The following TMCC2 variants were observed in gnomAD, a reference collection of about 807,000 sequenced individuals.
TMCC2 encodes transmembrane and coiled-coil domains protein 2.
TMCC2 carries 16 observed loss-of-function variants against 49.4 expected under a neutral mutation model. That is an observed-to-expected ratio of 0.32 (90% CI 0.22 to 0.49). The LOEUF (loss-of-function observed/expected upper bound fraction) is 0.49, where lower values mean the gene tolerates loss of function less well. TMCC2 is among the 20% of genes least tolerant of loss of function. The probability of loss-of-function intolerance (pLI) is 0.99; values close to 1 mark genes in which losing one functional copy is unlikely to be tolerated. For synonymous variants in TMCC2, 397 were observed against 434.1 expected (o/e 0.91, Z 1.06); for missense variants, 762 against 989.8 (o/e 0.77, Z 3.09).
At chr1:205,265,999 T>C (rs1661306706) in intron 2 of TMCC2, among the ~76,000 whole-genome samples, 1 of 149,932 alleles carries the variant, frequency 6.7e-6, no homozygotes, top group South Asian at 2.1e-4. Flanking sequence ...CCCAGCACTT[T>C]GGGAGGCTGA....
chr1:205,252,170 A>G (rs989575480), intron 2 of TMCC2, among the ~76,000 whole-genome samples: 6 of 152,180 alleles, frequency 3.9e-5, no homozygotes, highest in African/African-American at 1.4e-4. Context: ...GGTTCTGTTC[A>G]CTGCCCAACA....
chr1:205,247,923 A>T (rs1660516854), intron 2 of TMCC2, among the ~76,000 whole-genome samples: 1 of 151,958 alleles, frequency 6.6e-6, no homozygotes, highest in African/African-American at 2.4e-5. Flanking sequence ...GCCCCACCCC[A>T]AGAAAGTAGG....
chr1:205,253,489 CT>C (rs1346156738), intron 2 of TMCC2, among the ~76,000 whole-genome samples: 12 of 152,200 alleles, frequency 7.9e-5, no homozygotes, highest in Admixed American at 2.6e-4. Context: ...CAGAGACCCC[CT>C]GCCACAGCTC....
intron 3 of TMCC2, among the ~76,000 whole-genome samples, chr1:205,270,164 G>C (rs544747428): frequency 2.6e-5 from 4 of 152,042 alleles, no homozygotes; most frequent in East Asian, 3.9e-4. Flanking sequence ...CTCCTGCCTC[G>C]GCCTCCTGAG....
chr1:205,245,335 G>C (rs546580261), intron 2 of TMCC2, among the ~76,000 whole-genome samples: 141 of 152,302 alleles, frequency 9.3e-4, no homozygotes, highest in African/African-American at 3.2e-3. Context: ...CAGCTTGTTT[G>C]TTGTGGAAGG....
At chr1:205,248,167 G>A (rs1257728544) in intron 2 of TMCC2, among the ~76,000 whole-genome samples, 1 of 152,218 alleles carries the variant, frequency 6.6e-6, no homozygotes, top group Non-Finnish European at 1.5e-5. Context: ...AGCACTTTGG[G>A]AGGCTGATTT....
intron 2 of TMCC2, chr1:205,257,417 T>C (rs1660922699): frequency 8.1e-7 from 1 of 1,230,290 alleles, no homozygotes. Context: ...CGGGGTGGAG[T>C]TGGGGGATGG....
chr1:205,252,319 G>T (rs1660699144), intron 2 of TMCC2, among the ~76,000 whole-genome samples: 1 of 152,182 alleles, frequency 6.6e-6, no homozygotes, highest in African/African-American at 2.4e-5. Flanking sequence ...GTGCATGTGG[G>T]TGCTGCCCTG....
In TMCC2 at chr1:205,257,100, C is replaced by T. The variant is rs1194660979; in HGVS notation, c.748-11850C>T. The T allele has an allele frequency of 4.2e-6, 5 of 1,198,134 alleles. 1 individual carries two copies. The African/African-American group carries it at 6.3e-5, about 15-fold the overall frequency. The allele number at this position is 1,198,134 out of a possible 1,614,324, so 74.2% of individuals were successfully genotyped here. On this transcript the variant is annotated intron_variant, in intron 2 of 4. Transcript: ENST00000358024. Reference sequence around the variant, plus strand: ...GGTCCTCCCGCGCTCGGTGATCCTCCCTGTCTCCTGCCAGATGGGAAGGAG... The same window carrying T: ...GGTCCTCCCGCGCTCGGTGATCCTCTCTGTCTCCTGCCAGATGGGAAGGAG...
At chr1:205,259,336 C>T (rs1466039620) in intron 2 of TMCC2, among the ~76,000 whole-genome samples, 14 of 152,114 alleles carry the variant, frequency 9.2e-5, no homozygotes, top group Admixed American at 9.2e-4. Flanking sequence ...AAGGGGCTGC[C>T]TGCCTCAGAG....
chr1:205,271,953 C>A lies in TMCC2; in HGVS notation c.1959C>A (p.Leu653=). The A allele has an allele frequency of 6.2e-7, 1 of 1,614,214 alleles. No individual in the cohort carries two copies. Among genetic ancestry groups the A allele is most frequent in the African/African-American group, 1.3e-5 (1 of 75,046 alleles). Residue 653 remains leucine (L), a synonymous_variant, in exon 5 of 5, where the codon CTC becomes CTA. Transcript: ENST00000358024. ...LGKFINVILA[L]MAVLLVFVST... The stretch of plus-strand genomic sequence containing the variant: ...AGTTCATCAACGTGATCCTGGCGCT[C>A]ATGGCCGTGCTGCTGGTGTTCGTGT...
chr1:205,255,809 T>C (rs986618605), intron 2 of TMCC2, among the ~76,000 whole-genome samples: 3 of 152,164 alleles, frequency 2.0e-5, no homozygotes, highest in Non-Finnish European at 4.4e-5. Context: ...AAATAACCCT[T>C]ATGCAAGAAC....
At chr1:205,234,492 G>A (rs1659952565) in intron 1 of TMCC2, among the ~76,000 whole-genome samples, 2 of 152,130 alleles carry the variant, frequency 1.3e-5, no homozygotes, top group Admixed American at 6.6e-5. Context: ...TGGGAAATTA[G>A]TTATTTGGCC....
intron 2 of TMCC2, chr1:205,257,162 G>C (rs1574855383): frequency 1.6e-6 from 2 of 1,232,706 alleles, no homozygotes; most frequent in East Asian, 6.3e-5. Context: ...AAATCTCCTA[G>C]AGCAATCCGC....
chr1:205,262,411 C>G (rs1661154748), intron 2 of TMCC2, among the ~76,000 whole-genome samples: 1 of 152,174 alleles, frequency 6.6e-6, no homozygotes. Context: ...TGTCTCTTCT[C>G]TCATTCCTGG....
Position 205,228,840 on chromosome 1 carries a change from C to G in TMCC2, c.207+69C>G. On this transcript the variant is annotated intron_variant, in intron 1 of 4. Coordinates refer to ENST00000358024, the MANE Select transcript of TMCC2 (RefSeq NM_014858.4). ...GCTCTCGCCACCCCACGCAGAAGTG[C>G]TTTAACAGGATAAAAGTGAGGGGGG... The G allele has an allele frequency of 3.3e-6, 5 of 1,509,644 alleles. No homozygotes were observed. The South Asian group carries it at 6.3e-5, about 19-fold the overall frequency. 93.5% of individuals were successfully genotyped at this position (1,509,644 alleles called of 1,614,324 possible).
At chr1:205,247,055 C>G (rs1660481701) in intron 2 of TMCC2, among the ~76,000 whole-genome samples, 1 of 152,140 alleles carries the variant, frequency 6.6e-6, no homozygotes, top group Non-Finnish European at 1.5e-5. Flanking sequence ...TTTGGGTGAC[C>G]TGATGAGGGG....
rs1421857652 is a variant in TMCC2, at chr1:205,228,035, G to T, written c.-530G>T. ...GCGGGGCGCGCGGGCCGGGGAGGGG[G>T]CCGGGCGCGCTGCGGGCTCCGCGGC... is the stretch of plus-strand genomic sequence containing the variant. On this transcript the variant is annotated 5_prime_UTR_variant, in exon 1 of 5. Coordinates refer to ENST00000358024, the MANE Select transcript of TMCC2 (RefSeq NM_014858.4). 1 of 147,154 alleles carries T rather than the reference G, an allele frequency of 6.8e-6. No individual in the cohort carries two copies. The highest frequency in any genetic ancestry group is 1.5e-5 in the Non-Finnish European group (1 of 66,080). 9.1% of individuals were successfully genotyped at this position (147,154 alleles called of 1,614,324 possible). A position where few individuals can be genotyped will look rare whatever the true frequency, so the allele number is the denominator to read the frequency against.
chr1:205,232,351 G>A (rs1458684163), intron 1 of TMCC2, among the ~76,000 whole-genome samples: 1 of 152,198 alleles, frequency 6.6e-6, no homozygotes, highest in Non-Finnish European at 1.5e-5. Context: ...CCTGCAACAG[G>A]AGCACAACAA....
Sources: gnomAD v4.1 joint callset for allele counts (sites outside exome capture counted in the v4.1 genomes callset) on GRCh38, gnomAD v4.1.1 for gene constraint, MANE v1.5 for transcripts, NCBI Gene and HGNC (gene_info 2026-07-23, HGNC 2026-07-21) for gene names.